The following TENM2 variants were observed in gnomAD, a reference collection of about 807,000 sequenced individuals.
The protein encoded by TENM2 is teneurin transmembrane protein 2, also known as teneurin-2.
TENM2 carries 52 observed loss-of-function variants against 245.2 expected under a neutral mutation model. That is an observed-to-expected ratio of 0.21 (90% confidence interval 0.17 to 0.27). The LOEUF (loss-of-function observed/expected upper bound fraction) is 0.27. Among genes scored for constraint, TENM2 ranks in the 10% least tolerant of loss-of-function variants. The probability of loss-of-function intolerance (pLI) is 1.00; values close to 1 mark genes in which losing one functional copy is unlikely to be tolerated. For synonymous variants in TENM2, 1,363 were observed against 1,438.9 expected, an observed-to-expected ratio of 0.95 and a Z score of 1.19; for missense variants, 3,046 against 3,666.8, an observed-to-expected ratio of 0.83 and a Z score of 4.37.
chr5:167,355,224 A>G (rs1759232239), intron 1 of TENM2, among the ~76,000 whole-genome samples: 1 of 152,256 alleles, frequency 6.6e-6, no homozygotes, highest in Admixed American at 6.5e-5. Context: ...GTGCAGTATA[A>G]TGGCAACTAT....
chr5:167,008,246 ATGACTGG>A, the TENM2 span, among the ~76,000 whole-genome samples: 4,988 of 152,210 alleles, frequency 0.033, 257 homozygotes, highest in African/African-American at 0.11. Context: ...ATCCTTGCAT[ATGACTGG>A]TGTTTGTTTG....
the TENM2 span, among the ~76,000 whole-genome samples, chr5:167,219,300 AAAAC>A: frequency 0.67 from 101,433 of 150,514 alleles, 34,486 homozygotes; most frequent in African/African-American, 0.78. Context: ...ACCCAATTTC[AAAAC>A]AAACAAACAA....
intron 19 of TENM2, among the ~76,000 whole-genome samples, chr5:168,211,341 A>G (rs1762789178): frequency 6.6e-6 from 1 of 152,204 alleles, no homozygotes; most frequent in Non-Finnish European, 1.5e-5. Context: ...TATACCTGAT[A>G]TTAAATTTGG....
intron 2 of TENM2, among the ~76,000 whole-genome samples, chr5:167,800,572 T>A (rs1481587009): frequency 6.6e-6 from 1 of 152,208 alleles, no homozygotes; most frequent in Non-Finnish European, 1.5e-5. Flanking sequence ...CCTGCAGTTA[T>A]AATATGCTCA....
chr5:167,076,091 C>G, the TENM2 span, among the ~76,000 whole-genome samples: 1 of 152,138 alleles, frequency 6.6e-6, no homozygotes, highest in South Asian at 2.1e-4. Context: ...AGGTATACAG[C>G]TTTTCTGGCC....
chr5:168,226,624 G>C (rs769700546), intron 24 of TENM2, among the ~76,000 whole-genome samples: 1 of 151,886 alleles, frequency 6.6e-6, no homozygotes, highest in Non-Finnish European at 1.5e-5. Flanking sequence ...CTTCTCAAAG[G>C]CCATTTATTC....
At chr5:167,503,724 T>C (rs889921689) in intron 2 of TENM2, among the ~76,000 whole-genome samples, 4 of 152,026 alleles carry the variant, frequency 2.6e-5, no homozygotes, top group Admixed American at 1.3e-4. Flanking sequence ...CAGAAACCCA[T>C]TTCTACAAAA....
At chr5:168,120,348 A>G (rs1240952349) in intron 10 of TENM2, among the ~76,000 whole-genome samples, 1 of 152,210 alleles carries the variant, frequency 6.6e-6, no homozygotes, top group Non-Finnish European at 1.5e-5. Flanking sequence ...GAAAGGTTAA[A>G]GTTCTTAAAG....
intron 2 of TENM2, among the ~76,000 whole-genome samples, chr5:167,516,712 A>G (rs1770402766): frequency 6.6e-6 from 1 of 152,054 alleles, no homozygotes; most frequent in Admixed American, 6.5e-5. Context: ...TGTTCCTGCT[A>G]TTTTGTCTTT....
intron 2 of TENM2, among the ~76,000 whole-genome samples, chr5:167,602,865 T>C (rs1776735878): frequency 6.6e-6 from 1 of 151,112 alleles, no homozygotes; most frequent in Non-Finnish European, 1.5e-5. Context: ...AAATACAGAG[T>C]AGTATGGTAG....
chr5:167,513,843 G>A (rs1281055379), intron 2 of TENM2, among the ~76,000 whole-genome samples: 1 of 151,946 alleles, frequency 6.6e-6, no homozygotes, highest in Non-Finnish European at 1.5e-5. Flanking sequence ...CTGTGCTATC[G>A]AGTTGGCGAG....
At chr5:167,248,040 C>T in the TENM2 span, among the ~76,000 whole-genome samples, 3 of 152,000 alleles carry the variant, frequency 2.0e-5, no homozygotes, top group Non-Finnish European at 4.4e-5. Context: ...TAAAAGAAAA[C>T]ATAGCATGCA....
intron 1 of TENM2, among the ~76,000 whole-genome samples, chr5:167,288,642 G>C (rs1200419457): frequency 6.6e-6 from 1 of 151,970 alleles, no homozygotes; most frequent in East Asian, 1.9e-4. Context: ...TAAGCATTTT[G>C]CTTGCATTAA....
intron 2 of TENM2, among the ~76,000 whole-genome samples, chr5:167,801,109 A>AATATATATATATATATATATAT (rs869282464): frequency 1.5e-5 from 1 of 66,556 alleles, no homozygotes; most frequent in Non-Finnish European, 2.7e-5. Flanking sequence ...AAAAAAAAAA[A>AATATATATATATATATATATAT]ATATATATAT....
chr5:167,919,859 C>T lies in TENM2; in HGVS notation c.713-32729C>T, dbSNP rs75763050. Among the ~76,000 whole-genome samples the T allele has an allele frequency of 7.6e-3, 1,157 of 152,298 alleles. 12 individuals carry two copies. The highest frequency in any genetic ancestry group is 0.011 in the Non-Finnish European group (738 of 68,038). On this transcript the variant is annotated intron_variant, in intron 3 of 28. Coordinates refer to ENST00000518659, the Ensembl canonical transcript of TENM2. Reference sequence around the variant, plus strand: ...GGGATCACAACTATTATGACTATCACGACATCCAGTTTTATTTGTGTTTCC... The same window carrying T: ...GGGATCACAACTATTATGACTATCATGACATCCAGTTTTATTTGTGTTTCC...
chr5:167,336,356 C>T (rs965311415), intron 1 of TENM2, among the ~76,000 whole-genome samples: 4 of 150,686 alleles, frequency 2.7e-5, no homozygotes, highest in African/African-American at 9.8e-5. Flanking sequence ...CAGCCATAGC[C>T]TTTGATTAAG....
At chr5:166,996,414 C>G in the TENM2 span, among the ~76,000 whole-genome samples, 6 of 152,220 alleles carry the variant, frequency 3.9e-5, no homozygotes, top group African/African-American at 1.4e-4. Flanking sequence ...AATTAAAATG[C>G]CTGCATCCAT....
rs559089880 is a variant in TENM2 at position 168,089,142 on chromosome 5, G to A, written c.1516-1432G>A. On this transcript the variant is annotated intron_variant, in intron 7 of 28. Transcript: ENST00000518659. The stretch of plus-strand genomic sequence containing the variant: ...TTGTCAACAAGTAAGAAACACTGGT[G>A]TCCTCTTTGCCTTCTCCTTCATCAT... 5.9e-5 allele frequency among the ~76,000 whole-genome samples: 9 copies of A among 152,258 alleles called. 1 individual carries two copies. In the East Asian group the frequency reaches 1.5e-3, roughly 26 times the overall value.
At chr5:167,670,847 T>G (rs1039051475) in intron 2 of TENM2, among the ~76,000 whole-genome samples, 3 of 152,190 alleles carry the variant, frequency 2.0e-5, no homozygotes, top group Non-Finnish European at 2.9e-5. Context: ...TTGCCATTTT[T>G]CCTTCCCCAT....
Sources: allele counts gnomAD v4.1 joint callset (sites outside exome capture counted in the v4.1 genomes callset), GRCh38; gene constraint gnomAD v4.1.1; transcripts MANE v1.5; gene names NCBI Gene and HGNC (gene_info 2026-07-23, HGNC 2026-07-21).